Variants in DCTN6 observed in about 807,000 individuals in gnomAD.
DCTN6 encodes dynactin subunit 6.
DCTN6 carries 15 observed loss-of-function variants against 25.8 expected under a neutral mutation model. The ratio of observed to expected loss-of-function variants is 0.58; its 90% CI spans 0.39 to 0.89. The LOEUF is 0.89. Among genes scored for constraint, DCTN6 ranks in the 40% least tolerant of loss-of-function variants. DCTN6 has a pLI of 0.00. For missense variants in DCTN6, 198 were observed against 237.6 expected, an observed-to-expected ratio of 0.83 and a Z score of 1.09; for synonymous variants, 64 against 78.3, an observed-to-expected ratio of 0.82 and a Z score of 0.96.
intron 1 of DCTN6, among the ~76,000 whole-genome samples, chr8:30,162,928 T>C (rs1413307734): frequency 6.6e-6 from 1 of 152,200 alleles, no homozygotes; most frequent in African/African-American, 2.4e-5. Flanking sequence ...GCATATTACA[T>C]ACTGTCCATT....
At chr8:30,179,160 A>G (rs1803882138) in intron 4 of DCTN6, among the ~76,000 whole-genome samples, 1 of 152,194 alleles carries the variant, frequency 6.6e-6, no homozygotes, top group Non-Finnish European at 1.5e-5. Flanking sequence ...TATTTTACTC[A>G]TAAAATCAGG....
In DCTN6 at chr8:30,179,970, A is replaced by G. The variant is rs75424069; in HGVS notation, c.331+515A>G. 4.1e-3 allele frequency among the ~76,000 whole-genome samples: 630 copies of G among 152,322 alleles called. 4 individuals are homozygous for G. Among genetic ancestry groups the G allele is most frequent in the African/African-American group, 0.013 (560 of 41,570 alleles). ...TCCAGAAAAAACCTGAATGATGACA[A>G]TTCTTTAGAATAGTGGGTTATCTTT... On this transcript the variant is annotated intron_variant, in intron 5 of 6. Coordinates refer to ENST00000221114, the MANE Select transcript of DCTN6 (RefSeq NM_006571.4).
chr8:30,179,546 G>A, intron 5 of DCTN6, 91 bp downstream of exon 5: 1 of 1,175,994 alleles, frequency 8.5e-7, no homozygotes, highest in Non-Finnish European at 1.2e-6. Context: ...ACTGTGGCAA[G>A]GTGTTGTGCT....
chr8:30,163,079 C>T (rs1447413572), intron 1 of DCTN6, among the ~76,000 whole-genome samples: 4 of 152,014 alleles, frequency 2.6e-5, no homozygotes, highest in Non-Finnish European at 5.9e-5. Flanking sequence ...GGGTGGATCA[C>T]CTGAGGTCGG....
intron 2 of DCTN6, among the ~76,000 whole-genome samples, chr8:30,168,417 G>A (rs1803716572): frequency 6.6e-6 from 1 of 152,150 alleles, no homozygotes; most frequent in African/African-American, 2.4e-5. Context: ...AATTATAAAA[G>A]CAAAGAGTGG....
At chr8:30,156,445 C>G in intron 1 of DCTN6, 39 bp downstream of exon 1, 5 of 1,583,756 alleles carry the variant, frequency 3.2e-6, no homozygotes, top group Non-Finnish European at 4.3e-6. Flanking sequence ...TCTCAGCTTT[C>G]CGTAGGGGTG....
Position 30,175,191 on chromosome 8 carries a change from G to GTCCC in DCTN6, c.194+2_194+3insCCCT. 1 of 1,612,018 alleles carries GTCCC rather than the reference G, an allele frequency of 6.2e-7. No homozygotes were observed. Among genetic ancestry groups the GTCCC allele is most frequent in the Non-Finnish European group, 8.5e-7 (1 of 1,178,392 alleles). On this transcript the variant is annotated splice_donor_variant, in intron 3 of 6. Coordinates refer to ENST00000221114, the MANE Select transcript of DCTN6 (RefSeq NM_006571.4). LOFTEE classifies it high-confidence loss of function. Reference sequence around the variant, plus strand: ...AAGAACAGGCCCTTATCATAAATGCGTAAGACTCTTATACATACTGTGAAC... The same window carrying GTCCC: ...AAGAACAGGCCCTTATCATAAATGCGTCCCTAAGACTCTTATACATACTGTGAAC...
At chr8:30,167,381 T>G (rs920204764) in intron 2 of DCTN6, among the ~76,000 whole-genome samples, 12 of 152,242 alleles carry the variant, frequency 7.9e-5, no homozygotes, top group Non-Finnish European at 1.0e-4. Context: ...GGTCTTGTTC[T>G]GTTGGGCAGG....
chr8:30,168,498 T>C (rs1803717787), intron 2 of DCTN6, among the ~76,000 whole-genome samples: 1 of 152,234 alleles, frequency 6.6e-6, no homozygotes, highest in Admixed American at 6.5e-5. Flanking sequence ...ATTGTTGTTT[T>C]TACTTAGTTT....
intron 5 of DCTN6, 134 bp downstream of exon 5, chr8:30,179,589 T>TA: frequency 6.2e-6 from 4 of 642,394 alleles, no homozygotes; most frequent in Non-Finnish European, 1.0e-5. Context: ...GCGAACTAAT[T>TA]GTTTGCCACT....
chr8:30,159,826 A>G (rs1250602752), intron 1 of DCTN6, among the ~76,000 whole-genome samples: 5 of 150,224 alleles, frequency 3.3e-5, no homozygotes, highest in East Asian at 2.0e-4. Flanking sequence ...CAGTGGTGCA[A>G]TCTCAGCTCA....
intron 1 of DCTN6, among the ~76,000 whole-genome samples, chr8:30,163,896 T>C (rs1161290554): frequency 6.6e-6 from 1 of 152,054 alleles, no homozygotes. Context: ...GAGATGGGGT[T>C]TCTTCATGTT....
chr8:30,173,731 TAAAAAA>T (rs371782984), intron 2 of DCTN6, among the ~76,000 whole-genome samples: 4 of 96,048 alleles, frequency 4.2e-5, no homozygotes, highest in African/African-American at 1.4e-4. Flanking sequence ...CCCTGTCTCT[TAAAAAA>T]AAAAAAAAAA....
chr8:30,181,186 A>C (rs1451944195), intron 6 of DCTN6, among the ~76,000 whole-genome samples: 1 of 152,218 alleles, frequency 6.6e-6, no homozygotes, highest in Non-Finnish European at 1.5e-5. Context: ...CAGTTATGAG[A>C]AAAGATCCAG....
intron 2 of DCTN6, among the ~76,000 whole-genome samples, chr8:30,174,131 T>G (rs1032522526): frequency 2.2e-4 from 33 of 152,212 alleles, no homozygotes; most frequent in African/African-American, 7.5e-4. Context: ...GCCAAAGTCC[T>G]CGGACTCCAG....
chr8:30,169,170 G>A (rs961991027), intron 2 of DCTN6, among the ~76,000 whole-genome samples: 5 of 152,266 alleles, frequency 3.3e-5, no homozygotes, highest in East Asian at 1.9e-4. Context: ...CTTTCATTGC[G>A]GCAGTCTTTT....
chr8:30,161,739 T>A (rs1375251723), intron 1 of DCTN6, among the ~76,000 whole-genome samples: 1 of 131,096 alleles, frequency 7.6e-6, no homozygotes, highest in Non-Finnish European at 1.6e-5. Flanking sequence ...TAGATAAAAT[T>A]GTGTTTTAAT....
At chr8:30,174,297 A>G (rs1261140498) in intron 2 of DCTN6, among the ~76,000 whole-genome samples, 1 of 151,790 alleles carries the variant, frequency 6.6e-6, no homozygotes, top group African/African-American at 2.4e-5. Context: ...GTTAGATCCC[A>G]TAATTTCTGA....
chr8:30,174,103 C>T (rs1333869501), intron 2 of DCTN6, among the ~76,000 whole-genome samples: 4 of 152,168 alleles, frequency 2.6e-5, no homozygotes, highest in East Asian at 1.9e-4. Flanking sequence ...CTAGAGGCAT[C>T]GCCTCAGGGC....
Sources: gnomAD v4.1 joint callset for allele counts (sites outside exome capture counted in the v4.1 genomes callset) on GRCh38, gnomAD v4.1.1 for gene constraint, MANE v1.5 for transcripts, NCBI Gene and HGNC (gene_info 2026-07-23, HGNC 2026-07-21) for gene names.